The following SRSF11 variants were observed in gnomAD, a reference collection of about 807,000 sequenced individuals.
SRSF11 encodes serine/arginine-rich splicing factor 11.
In SRSF11, 9 loss-of-function variants were observed where a neutral mutation model predicts 56.0. The observed-to-expected ratio is 0.16, with a 90% CI of 0.10 to 0.28. The LOEUF is 0.28. Among genes scored for constraint, SRSF11 ranks in the 10% least tolerant of loss-of-function variants. The probability of loss-of-function intolerance (pLI) is 1.00; values close to 1 mark genes in which losing one functional copy is unlikely to be tolerated. For missense variants in SRSF11, 421 were observed against 600.7 expected (o/e 0.70, Z 3.13); for synonymous variants, 222 against 215.3 (o/e 1.03, Z -0.27).
At chr1:70,215,487 T>C (rs1669926714) in intron 1 of SRSF11, among the ~76,000 whole-genome samples, 1 of 152,210 alleles carries the variant, frequency 6.6e-6, no homozygotes, top group Non-Finnish European at 1.5e-5. Context: ...TAGATTTTTG[T>C]CTAATGCTGG....
chr1:70,237,949 T>C (rs1293232186), intron 6 of SRSF11, among the ~76,000 whole-genome samples: 1 of 152,220 alleles, frequency 6.6e-6, no homozygotes, highest in Non-Finnish European at 1.5e-5. Context: ...GTGAAAATGC[T>C]TCTGTTTAAA....
At chr1:70,242,494 G>A (rs1246309480) in intron 7 of SRSF11, among the ~76,000 whole-genome samples, 5 of 106,998 alleles carry the variant, frequency 4.7e-5, no homozygotes, top group African/African-American at 7.4e-5. Flanking sequence ...TGTAGAGACA[G>A]GGTTTTGCCA....
At chr1:70,238,274 C>T (rs758459273) in intron 6 of SRSF11, among the ~76,000 whole-genome samples, 4 of 151,980 alleles carry the variant, frequency 2.6e-5, no homozygotes, top group Non-Finnish European at 4.4e-5. Flanking sequence ...ATAGCACAGC[C>T]GGGTGTATGT....
At chr1:70,245,093 G>A (rs919136527) in intron 8 of SRSF11, among the ~76,000 whole-genome samples, 4 of 152,094 alleles carry the variant, frequency 2.6e-5, no homozygotes, top group African/African-American at 9.7e-5. Context: ...ATACCGTAAC[G>A]TTTTATTTCC....
chr1:70,246,937 TA>T (rs771783771), intron 9 of SRSF11, 30 bp downstream of exon 9: 3 of 1,563,064 alleles, frequency 1.9e-6, no homozygotes, highest in Non-Finnish European at 1.7e-6. Context: ...TCTTGGCAAT[TA>T]TTTTTTTAAC....
intron 7 of SRSF11, among the ~76,000 whole-genome samples, chr1:70,243,796 A>G (rs1239884969): frequency 6.6e-6 from 1 of 152,198 alleles, no homozygotes; most frequent in Admixed American, 6.5e-5. Flanking sequence ...AATGCCTATA[A>G]TCCCAACTCT....
intron 2 of SRSF11, chr1:70,229,142 C>G: frequency 7.9e-7 from 1 of 1,265,758 alleles, no homozygotes; most frequent in South Asian, 1.3e-5. Context: ...TTCATTCTTG[C>G]TATATTTCTA....
intron 8 of SRSF11, 47 bp from the exon 9 acceptor site, chr1:70,246,771 A>C: frequency 9.9e-5 from 116 of 1,175,456 alleles, no homozygotes; most frequent in Non-Finnish European, 1.3e-4. Context: ...ATAAATTGGC[A>C]TCAGCTGAGT....
intron 7 of SRSF11, among the ~76,000 whole-genome samples, chr1:70,242,424 C>A (rs1459501699): frequency 6.6e-6 from 1 of 151,446 alleles, no homozygotes; most frequent in East Asian, 1.9e-4. Context: ...GCCTCCTGAG[C>A]AGCTGGGACT....
At chr1:70,214,611 T>C (rs1364532469) in intron 1 of SRSF11, among the ~76,000 whole-genome samples, 1 of 152,100 alleles carries the variant, frequency 6.6e-6, no homozygotes, top group African/African-American at 2.4e-5. Flanking sequence ...CAATATATAT[T>C]AAACGATATG....
At chr1:70,233,062 A>G (rs1673166892) in intron 3 of SRSF11, among the ~76,000 whole-genome samples, 1 of 152,042 alleles carries the variant, frequency 6.6e-6, no homozygotes, top group South Asian at 2.1e-4. Flanking sequence ...TGACTAATTG[A>G]CTCTTAACTG....
intron 2 of SRSF11, chr1:70,229,860 G>T (rs983614109): frequency 2.0e-6 from 2 of 984,512 alleles, no homozygotes; most frequent in African/African-American, 3.5e-5. Context: ...TGATATTAAA[G>T]TGTATGAGCC....
chr1:70,230,843 C>T, intron 2 of SRSF11: 2 of 1,168,096 alleles, frequency 1.7e-6, no homozygotes, highest in Non-Finnish European at 2.1e-6. Context: ...CATAATTTTG[C>T]ATGCAAAATT....
chr1:70,240,839 G>A (rs934096405), intron 7 of SRSF11, among the ~76,000 whole-genome samples: 4 of 145,332 alleles, frequency 2.8e-5, no homozygotes, highest in Non-Finnish European at 5.9e-5. Context: ...GCAATGGCAC[G>A]ATCTTGGCTC....
At chr1:70,220,289 T>C (rs148065819), upstream of SRSF11, among the ~76,000 whole-genome samples, 333 of 152,328 alleles carry the variant, frequency 2.2e-3, 2 homozygotes, top group African/African-American at 7.5e-3. Context: ...ATTAATAACT[T>C]GTGTATCGGC....
rs959043172 is a variant in SRSF11 at position 70,231,383 on chromosome 1, A to G, written c.338-885A>G. The G allele has an allele frequency of 5.8e-5, 61 of 1,060,058 alleles. No individual in the cohort carries two copies. In the African/African-American group the frequency reaches 1.0e-3, roughly 17 times the overall value. 65.7% of individuals were successfully genotyped at this position (1,060,058 alleles called of 1,614,324 possible). ...GATAGAATTTAAATTGTCTACATAAATATTTGTTTTAGGACCCTTAGATTT... is the reference window on the plus strand; with the variant it reads ...GATAGAATTTAAATTGTCTACATAAGTATTTGTTTTAGGACCCTTAGATTT... On this transcript the variant is annotated intron_variant, in intron 2 of 11. Transcript: ENST00000370949.
chr1:70,246,178 T>C (rs954624334), intron 8 of SRSF11, among the ~76,000 whole-genome samples: 8 of 152,072 alleles, frequency 5.3e-5, no homozygotes. Flanking sequence ...ATATATCGTT[T>C]ATCTACTCTT....
intron 2 of SRSF11, chr1:70,231,409 T>C: frequency 9.5e-7 from 1 of 1,056,988 alleles, no homozygotes; most frequent in South Asian, 3.0e-5. Context: ...CCTTAGATTT[T>C]ATCTGAATAC....
At chr1:70,218,110 G>A (rs767900605), upstream of SRSF11, among the ~76,000 whole-genome samples, 42 of 152,156 alleles carry the variant, frequency 2.8e-4, no homozygotes, top group Non-Finnish European at 4.3e-4. Context: ...CACTACAGGC[G>A]TCTGCTACCA....
Sources: gnomAD v4.1 joint callset for allele counts (sites outside exome capture counted in the v4.1 genomes callset) on GRCh38, gnomAD v4.1.1 for gene constraint, MANE v1.5 for transcripts, NCBI Gene and HGNC (gene_info 2026-07-23, HGNC 2026-07-21) for gene names.